DNAH14: variants seen among roughly 807,000 people sequenced by gnomAD.
DNAH14 encodes dynein axonemal heavy chain 14, also known as axonemal beta dynein heavy chain 14.
In DNAH14, 478 loss-of-function variants were observed where a neutral mutation model predicts 520.9. The observed-to-expected ratio is 0.92, with a 90% confidence interval of 0.85 to 0.99. The LOEUF is 0.99. DNAH14 is among the 50% of genes least tolerant of loss of function. DNAH14 has a pLI of 0.00. For missense variants in DNAH14, 4,831 were observed against 5,234.5 expected (o/e 0.92, Z 2.38); for synonymous variants, 1,581 against 1,757.2 (o/e 0.90, Z 2.51).
intron 17 of DNAH14, among the ~76,000 whole-genome samples, chr1:225,064,723 C>T (rs905973526): frequency 2.0e-5 from 3 of 151,988 alleles, no homozygotes; most frequent in Non-Finnish European, 2.9e-5. Context: ...CAAATTTAAT[C>T]TATAGCAACA....
At chr1:225,127,279 C>T (rs375058778) in intron 27 of DNAH14, among the ~76,000 whole-genome samples, 16,856 of 148,606 alleles carry the variant, frequency 0.11, 2,123 homozygotes, top group African/African-American at 0.38. Flanking sequence ...CTTTCTGTCT[C>T]GTTGATCTGT....
intron 42 of DNAH14, among the ~76,000 whole-genome samples, chr1:225,235,921 T>G (rs943185004): frequency 6.6e-6 from 1 of 152,148 alleles, no homozygotes; most frequent in Non-Finnish European, 1.5e-5. Flanking sequence ...TATTTGATTC[T>G]TATGTTTTCT....
At chr1:224,947,857 T>C (rs1029445554) in intron 1 of DNAH14, among the ~76,000 whole-genome samples, 1 of 152,088 alleles carries the variant, frequency 6.6e-6, no homozygotes, top group African/African-American at 2.4e-5. Flanking sequence ...TCATGATTCA[T>C]CTATTTCTAC....
intron 49 of DNAH14, among the ~76,000 whole-genome samples, chr1:225,269,575 G>A (rs785385): frequency 0.2 from 30,890 of 152,004 alleles, 3,310 homozygotes; most frequent in East Asian, 0.37. Flanking sequence ...TTTACAATCT[G>A]CCCATCTGAC....
chr1:225,001,257 GT>G (rs2063753261), intron 8 of DNAH14, among the ~76,000 whole-genome samples: 1 of 151,982 alleles, frequency 6.6e-6, no homozygotes, highest in African/African-American at 2.4e-5. Flanking sequence ...ACCCTTCAAT[GT>G]TTTGTTATGT....
intron 10 of DNAH14, among the ~76,000 whole-genome samples, chr1:225,011,564 A>G (rs549520891): frequency 3.9e-5 from 6 of 152,240 alleles, no homozygotes; most frequent in African/African-American, 1.4e-4. Flanking sequence ...GTGTGAGTCT[A>G]AGCCTCTTTG....
Position 225,351,830 on chromosome 1 carries a change from C to G in DNAH14, c.11480C>G (p.Pro3827Arg). 1 of 1,551,194 alleles carries G rather than the reference C, an allele frequency of 6.4e-7. No individual in the cohort carries two copies. Among genetic ancestry groups the G allele is most frequent in the African/African-American group, 1.4e-5 (1 of 73,122 alleles). Reference protein sequence around the residue: ...SKAVYSLISTPFSSENASLEE... With the variant: ...SKAVYSLISTRFSSENASLEE... ...GCAGTTTATTCTCTGATCAGCACACCTTTCTCTTCAGAAAATGCTTCATTG... is the reference window on the plus strand; with the variant it reads ...GCAGTTTATTCTCTGATCAGCACACGTTTCTCTTCAGAAAATGCTTCATTG... Residue 3827 changes from proline (P) to arginine (R), a missense_variant, in exon 72 of 86, where the codon CCT (proline) becomes CGT (arginine). Physicochemically the swap from Pro to Arg is moderately radical, Grantham distance 103. Coordinates refer to ENST00000682510, the MANE Select transcript of DNAH14 (RefSeq NM_001367479.1).
chr1:225,152,618 T>C (rs2080605267), intron 32 of DNAH14, 79 bp from the exon 33 acceptor site: 2 of 1,288,748 alleles, frequency 1.6e-6, no homozygotes, highest in Non-Finnish European at 2.1e-6. Flanking sequence ...TATAATTATT[T>C]TGGGGAAAAG....
chr1:225,221,018 G>A (rs2090002529), intron 41 of DNAH14, among the ~76,000 whole-genome samples: 1 of 152,188 alleles, frequency 6.6e-6, no homozygotes, highest in Non-Finnish European at 1.5e-5. Flanking sequence ...ACAACCAGCT[G>A]ATCTTCGAGA....
chr1:225,116,013 A>T (rs1246001771), intron 23 of DNAH14, among the ~76,000 whole-genome samples: 1 of 152,232 alleles, frequency 6.6e-6, no homozygotes, highest in Non-Finnish European at 1.5e-5. Context: ...CTTGAAAGAA[A>T]TGTAGGTGTT....
At chr1:224,982,824 AC>A (rs777126219) in intron 8 of DNAH14, among the ~76,000 whole-genome samples, 1 of 152,324 alleles carries the variant, frequency 6.6e-6, no homozygotes, top group East Asian at 1.9e-4. Context: ...AGTGGTTGAT[AC>A]AATTTCAGTT....
chr1:225,156,025 T>G (rs55770610), intron 34 of DNAH14, among the ~76,000 whole-genome samples: 2 of 152,044 alleles, frequency 1.3e-5, no homozygotes, highest in Non-Finnish European at 2.9e-5. Context: ...CTGTTTCCTC[T>G]TCCCGTCCCT....
At chr1:225,358,701 G>A in intron 74 of DNAH14, 49 bp downstream of exon 74, 1 of 1,510,788 alleles carries the variant, frequency 6.6e-7, no homozygotes, top group Non-Finnish European at 8.9e-7. Flanking sequence ...TTGGCTCTGT[G>A]TCCCCACCCA....
At chr1:225,228,612 G>C (rs549779208) in intron 41 of DNAH14, among the ~76,000 whole-genome samples, 2 of 152,092 alleles carry the variant, frequency 1.3e-5, no homozygotes, top group East Asian at 3.9e-4. Flanking sequence ...ACTCCTGGGG[G>C]GGGTCACTTC....
At chr1:225,365,466 C>G (rs1420376039) in intron 76 of DNAH14, among the ~76,000 whole-genome samples, 1 of 152,192 alleles carries the variant, frequency 6.6e-6, no homozygotes, top group African/African-American at 2.4e-5. Context: ...GTGCACACTA[C>G]CAGCTTTCAC....
At chr1:225,333,582 G>T in intron 66 of DNAH14, 76 bp downstream of exon 66, 1 of 1,298,324 alleles carries the variant, frequency 7.7e-7, no homozygotes, top group Non-Finnish European at 1.0e-6. Flanking sequence ...TGTAGTTTCG[G>T]CCTTGGATGT....
intron 79 of DNAH14, among the ~76,000 whole-genome samples, chr1:225,379,716 G>C (rs909566691): frequency 6.6e-6 from 1 of 151,990 alleles, no homozygotes; most frequent in African/African-American, 2.4e-5. Context: ...GTAGAGACAG[G>C]GTTTTACCAT....
At chr1:225,089,358 C>A (rs1027744813) in intron 21 of DNAH14, among the ~76,000 whole-genome samples, 1 of 146,360 alleles carries the variant, frequency 6.8e-6, no homozygotes, top group Admixed American at 7.0e-5. Flanking sequence ...GCAGGAGAAT[C>A]GCTTGAAGCC....
At chr1:225,215,859 T>C (rs1362668113) in intron 41 of DNAH14, among the ~76,000 whole-genome samples, 1 of 152,200 alleles carries the variant, frequency 6.6e-6, no homozygotes, top group Non-Finnish European at 1.5e-5. Context: ...AATTTGCCAG[T>C]CTCTGTCTTT....
Sources: gnomAD v4.1 joint callset for allele counts (sites outside exome capture counted in the v4.1 genomes callset) on GRCh38, gnomAD v4.1.1 for gene constraint, MANE v1.5 for transcripts, NCBI Gene and HGNC (gene_info 2026-07-23, HGNC 2026-07-21) for gene names.